Variants in HCN1 observed in about 807,000 individuals in gnomAD.
HCN1 encodes the protein potassium/sodium hyperpolarization-activated cyclic nucleotide-gated channel 1.
HCN1 carries 13 observed loss-of-function variants against 78.9 expected under a neutral mutation model. That is an observed-to-expected ratio of 0.16 (90% CI 0.11 to 0.26). HCN1 has a LOEUF of 0.26. Ranked by LOEUF, HCN1 falls within the 10% of genes least tolerant of loss-of-function variation. The pLI is 1.00. For missense variants in HCN1, 810 were observed against 1,154.3 expected (o/e 0.70, Z 4.32); for synonymous variants, 552 against 455.5 (o/e 1.21, Z -2.70).
At chr5:45,680,643 CTG>C (rs1395013991) in intron 1 of HCN1, among the ~76,000 whole-genome samples, 1 of 152,074 alleles carries the variant, frequency 6.6e-6, no homozygotes, top group Non-Finnish European at 1.5e-5. Flanking sequence ...CAAATAAGAT[CTG>C]TGAGTAAAAC....
chr5:45,376,198 CAT>C (rs1192065415), intron 4 of HCN1, among the ~76,000 whole-genome samples: 13 of 4,142 alleles, frequency 3.1e-3, no homozygotes, highest in Non-Finnish European at 5.1e-3. Context: ...ATATATATAA[CAT>C]ATTTTATATA....
At chr5:45,281,663 C>A (rs1449528998) in intron 6 of HCN1, among the ~76,000 whole-genome samples, 1 of 141,392 alleles carries the variant, frequency 7.1e-6, no homozygotes, top group African/African-American at 2.6e-5. Context: ...TCTCGGCTCA[C>A]TGTAACCTCC....
chr5:45,437,719 G>A (rs1740584367), intron 3 of HCN1, among the ~76,000 whole-genome samples: 1 of 152,170 alleles, frequency 6.6e-6, no homozygotes, highest in East Asian at 1.9e-4. Context: ...AAGATACAAT[G>A]CCAGGTGCAA....
chr5:45,318,951 G>A (rs1746063635), intron 5 of HCN1, among the ~76,000 whole-genome samples: 1 of 151,934 alleles, frequency 6.6e-6, no homozygotes, highest in African/African-American at 2.4e-5. Flanking sequence ...TGCATACTGT[G>A]TAGTCTTTTG....
chr5:45,390,693 T>C (rs923677049), intron 4 of HCN1, among the ~76,000 whole-genome samples: 4 of 152,130 alleles, frequency 2.6e-5, no homozygotes, highest in African/African-American at 9.7e-5. Context: ...TATATCAAAA[T>C]ACAAAGTTTG....
At chr5:45,469,784 AGTGTGT>A (rs148412684) in intron 2 of HCN1, among the ~76,000 whole-genome samples, 15 of 148,656 alleles carry the variant, frequency 1.0e-4, no homozygotes, top group South Asian at 2.1e-4. Context: ...ATTATAAAGG[AGTGTGT>A]GTGTGTGTGT....
intron 2 of HCN1, among the ~76,000 whole-genome samples, chr5:45,532,199 A>G (rs1295468789): frequency 1.3e-5 from 2 of 152,186 alleles, no homozygotes; most frequent in African/African-American, 4.8e-5. Context: ...ACTTGACTAG[A>G]CTGTAGGCTC....
chr5:45,562,497 C>A (rs1463776770), intron 2 of HCN1, among the ~76,000 whole-genome samples: 1 of 142,968 alleles, frequency 7.0e-6, no homozygotes, highest in Non-Finnish European at 1.5e-5. Context: ...CACAGTGAGA[C>A]CCCATGTCTA....
At position 45,262,052 on chromosome 5, in the gene HCN1, CCGA is replaced by C. The variant is rs1744751006; in HGVS notation, c.2539_2541del (p.Ser847del). The C allele has an allele frequency of 1.9e-6, 3 of 1,613,908 alleles. No individual in the cohort carries two copies. Among genetic ancestry groups the C allele is most frequent in the South Asian group, 2.2e-5 (2 of 91,082 alleles). Reference sequence around the variant, plus strand: ...ACTCCTCGGTTCGGGGGGATGGCTCCCGACGACATCTGTCGGAAGAGGGTGACG... The same window carrying C: ...ACTCCTCGGTTCGGGGGGATGGCTCCCGACATCTGTCGGAAGAGGGTGACG... On this transcript the variant is annotated inframe_deletion, in exon 8 of 8. Transcript: ENST00000303230.
chr5:45,288,157 G>T (rs991050964), intron 6 of HCN1, among the ~76,000 whole-genome samples: 2 of 151,926 alleles, frequency 1.3e-5, no homozygotes, highest in African/African-American at 4.8e-5. Context: ...GAGCTTCACA[G>T]TCCAAGGTCT....
At chr5:45,600,211 A>G (rs1327222004) in intron 2 of HCN1, among the ~76,000 whole-genome samples, 1 of 151,922 alleles carries the variant, frequency 6.6e-6, no homozygotes, top group Non-Finnish European at 1.5e-5. Context: ...ACACACATGC[A>G]CTTTATCTCT....
At chr5:45,303,469 C>A (rs1271046773) in intron 6 of HCN1, 130 bp downstream of exon 6, 6 of 873,704 alleles carry the variant, frequency 6.9e-6, no homozygotes, top group Admixed American at 6.0e-5. Context: ...GTTATAGACA[C>A]TTTTATCAGA....
chr5:45,321,909 T>A (rs1310851678), intron 5 of HCN1, among the ~76,000 whole-genome samples: 1 of 151,898 alleles, frequency 6.6e-6, no homozygotes, highest in Non-Finnish European at 1.5e-5. Flanking sequence ...CATACAAAAA[T>A]AACTTTATCT....
chr5:45,334,089 T>C (rs541131070), intron 5 of HCN1, among the ~76,000 whole-genome samples: 1 of 152,000 alleles, frequency 6.6e-6, no homozygotes, highest in Admixed American at 6.6e-5. Context: ...TAGTCATGGT[T>C]ATTATAACTA....
chr5:45,522,924 T>C (rs1410343970), intron 2 of HCN1, among the ~76,000 whole-genome samples: 2 of 152,008 alleles, frequency 1.3e-5, no homozygotes, highest in Admixed American at 1.3e-4. Context: ...TAGTTACATA[T>C]GTATACATGT....
intron 2 of HCN1, among the ~76,000 whole-genome samples, chr5:45,481,580 C>T (rs142258175): frequency 2.0e-5 from 3 of 152,108 alleles, no homozygotes; most frequent in Non-Finnish European, 2.9e-5. Context: ...TGGAAAGGAA[C>T]GTGTACTCTG....
chr5:45,314,400 G>A (rs2111922968), intron 5 of HCN1, among the ~76,000 whole-genome samples: 1 of 152,312 alleles, frequency 6.6e-6, no homozygotes, highest in African/African-American at 2.4e-5. Context: ...ACCAGCCATT[G>A]CAAAAACATG....
At chr5:45,330,196 C>T (rs780404006) in intron 5 of HCN1, among the ~76,000 whole-genome samples, 161 of 151,230 alleles carry the variant, frequency 1.1e-3, no homozygotes, top group Non-Finnish European at 1.9e-3. Flanking sequence ...TCCACTTGTG[C>T]TTTTGTATGT....
rs191909535 is a variant in HCN1 at position 45,625,800 on chromosome 5, C to T, written c.849+19385G>A. ...CTTAGTAAAATGTATTATTTTATTGCAAACACCAAAACCAAAACCAAAAAA... is the reference window on the plus strand; with the variant it reads ...CTTAGTAAAATGTATTATTTTATTGTAAACACCAAAACCAAAACCAAAAAA... On this transcript the variant is annotated intron_variant, in intron 2 of 7. Coordinates refer to ENST00000303230, the MANE Select transcript of HCN1 (RefSeq NM_021072.4). Among the ~76,000 whole-genome samples, 17 of 150,516 alleles carry T rather than the reference C, an allele frequency of 1.1e-4. 1 individual carries two copies. Among genetic ancestry groups the T allele is most frequent in the Admixed American group, 9.2e-4 (14 of 15,140 alleles).
Sources: allele counts gnomAD v4.1 joint callset (sites outside exome capture counted in the v4.1 genomes callset), GRCh38; gene constraint gnomAD v4.1.1; transcripts MANE v1.5; gene names NCBI Gene and HGNC (gene_info 2026-07-23, HGNC 2026-07-21).